The following PDE7B variants were observed in gnomAD, a reference collection of about 807,000 sequenced individuals.
PDE7B encodes phosphodiesterase 7B.
PDE7B carries 29 observed loss-of-function variants against 56.2 expected under a neutral mutation model. The observed-to-expected ratio is 0.52, with a 90% confidence interval of 0.38 to 0.70. The LOEUF is 0.70. Among genes scored for constraint, PDE7B ranks in the 30% least tolerant of loss-of-function variants. The probability of loss-of-function intolerance (pLI) is 0.00; values close to 1 mark genes in which losing one functional copy is unlikely to be tolerated. For synonymous variants in PDE7B, 197 were observed against 196.9 expected (o/e 1.00, Z 0.00); for missense variants, 490 against 565.0 (o/e 0.87, Z 1.35).
At chr6:136,166,117 T>G (rs1024192796) in intron 8 of PDE7B, among the ~76,000 whole-genome samples, 6 of 152,196 alleles carry the variant, frequency 3.9e-5, no homozygotes, top group Non-Finnish European at 7.3e-5. Flanking sequence ...ATCCCCACTG[T>G]GCTGCCATGT....
chr6:135,911,170 TGGGAGAG>T (rs1776206018), intron 1 of PDE7B, among the ~76,000 whole-genome samples: 1 of 152,248 alleles, frequency 6.6e-6, no homozygotes, highest in South Asian at 2.1e-4. Context: ...ACAAGAAGGC[TGGGAGAG>T]CTCTAATTAA....
At chr6:135,868,399 A>T (rs1775305599) in intron 1 of PDE7B, among the ~76,000 whole-genome samples, 2 of 152,018 alleles carry the variant, frequency 1.3e-5, no homozygotes, top group South Asian at 4.2e-4. Context: ...TTTTATCAGG[A>T]TGATGGTGGA....
intron 2 of PDE7B, among the ~76,000 whole-genome samples, chr6:136,018,241 A>T (rs1258903212): frequency 1.3e-5 from 2 of 152,188 alleles, no homozygotes; most frequent in Admixed American, 1.3e-4. Flanking sequence ...AGATCACTAA[A>T]TCCAAAATCA....
At chr6:136,125,053 G>A (rs531975874) in intron 3 of PDE7B, among the ~76,000 whole-genome samples, 1 of 152,128 alleles carries the variant, frequency 6.6e-6, no homozygotes, top group South Asian at 2.1e-4. Context: ...AAAATTATAG[G>A]GTGTGACTAG....
chr6:135,966,715 A>G (rs1265843767), intron 2 of PDE7B, among the ~76,000 whole-genome samples: 5 of 152,172 alleles, frequency 3.3e-5, no homozygotes, highest in Non-Finnish European at 7.4e-5. Flanking sequence ...AAGTGAGAAT[A>G]CCAGCATTTC....
intron 1 of PDE7B, among the ~76,000 whole-genome samples, chr6:135,899,108 G>A (rs1392834975): frequency 2.2e-4 from 34 of 152,092 alleles, no homozygotes. Context: ...CATCATGTAA[G>A]ATGTGACTTT....
chr6:135,984,125 C>T (rs1207307221), intron 2 of PDE7B, among the ~76,000 whole-genome samples: 2 of 152,180 alleles, frequency 1.3e-5, no homozygotes, highest in African/African-American at 2.4e-5. Flanking sequence ...AAGAGGAATG[C>T]TTTGAATAAG....
At chr6:135,971,369 G>T (rs1341095452) in intron 2 of PDE7B, among the ~76,000 whole-genome samples, 2 of 152,154 alleles carry the variant, frequency 1.3e-5, no homozygotes, top group Non-Finnish European at 2.9e-5. Context: ...ATAAATGTAT[G>T]TTGTTTAAGC....
intron 1 of PDE7B, among the ~76,000 whole-genome samples, chr6:135,893,832 A>G (rs181834542): frequency 6.6e-6 from 1 of 152,320 alleles, no homozygotes; most frequent in East Asian, 1.9e-4. Flanking sequence ...TCCCAAGAAT[A>G]ATTACACCAT....
chr6:136,088,803 G>A (rs1229685581), intron 2 of PDE7B, among the ~76,000 whole-genome samples: 1 of 151,720 alleles, frequency 6.6e-6, no homozygotes, highest in Admixed American at 6.6e-5. Context: ...CCATTGAATC[G>A]TACACTTTAA....
chr6:136,114,431 A>ACT (rs1233381987), intron 3 of PDE7B, among the ~76,000 whole-genome samples: 2 of 151,758 alleles, frequency 1.3e-5, no homozygotes, highest in Non-Finnish European at 2.9e-5. Context: ...TATAAAACAC[A>ACT]CTCTCGATGA....
intron 1 of PDE7B, among the ~76,000 whole-genome samples, chr6:135,902,336 T>C (rs1461877828): frequency 6.6e-6 from 1 of 151,708 alleles, no homozygotes; most frequent in Non-Finnish European, 1.5e-5. Flanking sequence ...TGAAGGTTTT[T>C]TTTTTTTTCT....
chr6:135,905,351 T>C (rs1776079743), intron 1 of PDE7B, among the ~76,000 whole-genome samples: 1 of 24,696 alleles, frequency 4.0e-5, no homozygotes, highest in African/African-American at 6.2e-4. Flanking sequence ...TGTGTGTATG[T>C]GTGTGTGTGT....
At chr6:135,963,551 G>A (rs1297594053) in intron 2 of PDE7B, among the ~76,000 whole-genome samples, 1 of 152,142 alleles carries the variant, frequency 6.6e-6, no homozygotes, top group African/African-American at 2.4e-5. Flanking sequence ...ATGTATATGT[G>A]CATGTGTGTA....
intron 12 of PDE7B, among the ~76,000 whole-genome samples, chr6:136,189,881 T>A (rs1779194884): frequency 6.6e-6 from 1 of 152,196 alleles, no homozygotes; most frequent in African/African-American, 2.4e-5. Flanking sequence ...TGCCTCTTGG[T>A]GTCTATTCAG....
rs11325233 is a variant in PDE7B, at chr6:135,885,328, GTT to G, written c.21+33323_21+33324del. On this transcript the variant is annotated intron_variant, in intron 1 of 12. Transcript: ENST00000308191. ...TGTTTTTTGTTGTTGCTTGTTTGTT[GTT>G]TTTTTTTTTTTTTATCTCACTGCCA... 3.0e-3 allele frequency among the ~76,000 whole-genome samples: 433 copies of G among 143,468 alleles called. 3 individuals are homozygous for G. The highest frequency in any genetic ancestry group is 3.2e-3 in the Non-Finnish European group (205 of 64,868). 94.1% of individuals were successfully genotyped at this position (143,468 alleles called of 152,430 possible). A position where few individuals can be genotyped will look rare whatever the true frequency, so the allele number is the denominator to read the frequency against.
intron 12 of PDE7B, among the ~76,000 whole-genome samples, chr6:136,189,753 G>A (rs371061444): frequency 6.6e-6 from 1 of 151,308 alleles, no homozygotes; most frequent in South Asian, 2.1e-4. Flanking sequence ...ATCCCTCCAG[G>A]AGGACAACAG....
At chr6:135,901,017 A>G (rs1003914566) in intron 1 of PDE7B, among the ~76,000 whole-genome samples, 2 of 152,182 alleles carry the variant, frequency 1.3e-5, no homozygotes, top group South Asian at 2.1e-4. Flanking sequence ...TTTGAATGCC[A>G]CCTTGGACTT....
At chr6:135,949,939 C>T (rs9483897) in intron 2 of PDE7B, among the ~76,000 whole-genome samples, 12,841 of 152,022 alleles carry the variant, frequency 0.084, 1,034 homozygotes, top group African/African-American at 0.21. Context: ...ATATTTAAGA[C>T]GGCTTAGATT....
Sources: gnomAD v4.1 joint callset for allele counts (sites outside exome capture counted in the v4.1 genomes callset) on GRCh38, gnomAD v4.1.1 for gene constraint, MANE v1.5 for transcripts, NCBI Gene and HGNC (gene_info 2026-07-23, HGNC 2026-07-21) for gene names.